The following MGAT5 variants were observed in gnomAD, a reference collection of about 807,000 sequenced individuals.
MGAT5 encodes the protein alpha-1,6-mannosylglycoprotein 6-beta-N-acetylglucosaminyltransferase A.
MGAT5 carries 30 observed loss-of-function variants against 94.3 expected under a neutral mutation model. The ratio of observed to expected loss-of-function variants is 0.32; its 90% CI spans 0.24 to 0.43. The LOEUF is 0.43. MGAT5 is among the 20% of genes least tolerant of loss of function. MGAT5 has a pLI of 1.00. For missense variants in MGAT5, 691 were observed against 905.5 expected, an observed-to-expected ratio of 0.76 and a Z score of 3.04; for synonymous variants, 310 against 322.9, an observed-to-expected ratio of 0.96 and a Z score of 0.43.
intron 4 of MGAT5, among the ~76,000 whole-genome samples, chr2:134,328,754 T>C (rs557628094): frequency 8.6e-5 from 13 of 151,912 alleles, no homozygotes; most frequent in African/African-American, 2.4e-4. Context: ...ATAAAATCAG[T>C]ATATAAAAGA....
chr2:134,439,780 C>T (rs1685378611), intron 14 of MGAT5, among the ~76,000 whole-genome samples: 1 of 152,164 alleles, frequency 6.6e-6, no homozygotes, highest in Admixed American at 6.5e-5. Context: ...CAGCTCTGGG[C>T]CAGCCCCTCT....
At chr2:134,396,434 C>T (rs1558855661) in intron 10 of MGAT5, among the ~76,000 whole-genome samples, 1 of 152,126 alleles carries the variant, frequency 6.6e-6, no homozygotes, top group African/African-American at 2.4e-5. Flanking sequence ...TTGTCTCTCT[C>T]CTCTCTTTTT....
intron 1 of MGAT5, among the ~76,000 whole-genome samples, chr2:134,266,811 G>C (rs974388984): frequency 2.0e-5 from 3 of 152,190 alleles, no homozygotes; most frequent in African/African-American, 7.2e-5. Flanking sequence ...TGGTGACTCA[G>C]GTAGCTGCTT....
intron 1 of MGAT5, among the ~76,000 whole-genome samples, chr2:134,177,074 A>C (rs984077815): frequency 7.4e-6 from 1 of 135,478 alleles, no homozygotes; most frequent in Non-Finnish European, 1.5e-5. Context: ...AGCCACCATG[A>C]CCAGATATCT....
upstream of MGAT5, among the ~76,000 whole-genome samples, chr2:134,250,327 G>A (rs1410280119): frequency 6.6e-6 from 1 of 152,196 alleles, no homozygotes; most frequent in Non-Finnish European, 1.5e-5. Flanking sequence ...GTCCCACTGT[G>A]CCCATTGGAT....
intron 1 of MGAT5, among the ~76,000 whole-genome samples, chr2:134,173,484 A>C (rs557839985): frequency 3.3e-5 from 5 of 152,324 alleles, no homozygotes; most frequent in African/African-American, 1.2e-4. Context: ...TTCTCACGCC[A>C]GTATCTGCAC....
intron 1 of MGAT5, among the ~76,000 whole-genome samples, chr2:134,138,215 C>CCT (rs1553483844): frequency 1.3e-5 from 2 of 148,856 alleles, no homozygotes; most frequent in Non-Finnish European, 3.0e-5. Flanking sequence ...TATCATTGCC[C>CCT]TTTTTTTTTT....
At chr2:134,138,531 G>A (rs1686521960) in intron 1 of MGAT5, among the ~76,000 whole-genome samples, 2 of 152,212 alleles carry the variant, frequency 1.3e-5, no homozygotes, top group South Asian at 4.2e-4. Flanking sequence ...GAAAATATAG[G>A]TCCTGTCTTC....
chr2:134,407,114 C>T (rs1277221092), intron 11 of MGAT5, among the ~76,000 whole-genome samples: 3 of 152,168 alleles, frequency 2.0e-5, no homozygotes, highest in Non-Finnish European at 4.4e-5. Context: ...ATACCCTGCG[C>T]CTAGATCTCT....
At chr2:134,285,781 T>C (rs940489234) in intron 2 of MGAT5, among the ~76,000 whole-genome samples, 20 of 152,316 alleles carry the variant, frequency 1.3e-4, no homozygotes, top group East Asian at 3.9e-4. Context: ...TTTTCTGTTA[T>C]GGAAGATGGG....
intron 9 of MGAT5, among the ~76,000 whole-genome samples, chr2:134,355,618 A>G (rs1679683467): frequency 1.3e-5 from 2 of 152,388 alleles, no homozygotes; most frequent in East Asian, 1.9e-4. Flanking sequence ...CAGTAAATAA[A>G]TGCAAGAAAT....
At chr2:134,177,144 C>CGTGTGTGTGTGTGTGTGCGTGTGTGTGT (rs1688506290) in intron 1 of MGAT5, among the ~76,000 whole-genome samples, 1 of 142,530 alleles carries the variant, frequency 7.0e-6, no homozygotes, top group Admixed American at 7.0e-5. Context: ...CAAATGAACC[C>CGTGTGTGTGTGTGTGTGCGTGTGTGTGT]GTGTGTGTGT....
chr2:134,144,729 T>C (rs542784159), intron 1 of MGAT5, among the ~76,000 whole-genome samples: 25 of 152,330 alleles, frequency 1.6e-4, no homozygotes, highest in African/African-American at 6.0e-4. Flanking sequence ...TTAAAATAAG[T>C]CATATATATT....
intron 2 of MGAT5, among the ~76,000 whole-genome samples, chr2:134,284,825 A>G (rs570286047): frequency 1.3e-5 from 2 of 152,266 alleles, no homozygotes; most frequent in Admixed American, 1.3e-4. Flanking sequence ...TGCTGGGACA[A>G]TCGCATTTTA....
chr2:134,411,643 C>A (rs990606221), intron 11 of MGAT5, among the ~76,000 whole-genome samples: 16 of 152,226 alleles, frequency 1.1e-4, no homozygotes, highest in Admixed American at 3.3e-4. Flanking sequence ...CTGACACATG[C>A]AGCCCGGCAG....
At chr2:134,169,399 CACACACACACACAG>C (rs1467613011) in intron 1 of MGAT5, among the ~76,000 whole-genome samples, 1 of 127,226 alleles carries the variant, frequency 7.9e-6, no homozygotes, top group African/African-American at 3.0e-5. Context: ...CACACACACA[CACACACACACACAG>C]ACACACACAC....
chr2:134,353,388 G>A lies in MGAT5; in HGVS notation c.1246+3450G>A, dbSNP rs145915117. Among the ~76,000 whole-genome samples the A allele has an allele frequency of 4.9e-3, 749 of 152,292 alleles. 6 individuals carry two copies. Among genetic ancestry groups the A allele is most frequent in the African/African-American group, 0.016 (682 of 41,568 alleles). On this transcript the variant is annotated intron_variant, in intron 9 of 15. Transcript: ENST00000281923. ...AATATTTATATTGTTACTTGAAACT[G>A]TTATGGGTATGTTGTAGGAACCACG...
intron 1 of MGAT5, among the ~76,000 whole-genome samples, chr2:134,200,217 T>C (rs1679717523): frequency 8.4e-6 from 1 of 118,844 alleles, no homozygotes; most frequent in Non-Finnish European, 1.6e-5. Flanking sequence ...ATTCCAGAAA[T>C]ATCTGACTGA....
intron 14 of MGAT5, among the ~76,000 whole-genome samples, chr2:134,438,355 A>G (rs559111545): frequency 5.3e-5 from 8 of 152,348 alleles, no homozygotes; most frequent in African/African-American, 1.9e-4. Context: ...TTCAACCTAT[A>G]TAAACAAAGT....
Sources: gnomAD v4.1 joint callset for allele counts (sites outside exome capture counted in the v4.1 genomes callset) on GRCh38, gnomAD v4.1.1 for gene constraint, MANE v1.5 for transcripts, NCBI Gene and HGNC (gene_info 2026-07-23, HGNC 2026-07-21) for gene names.